Variants in ARL6IP5 observed in about 807,000 individuals in gnomAD.
ARL6IP5 encodes the protein PRA1 family protein 3.
ARL6IP5 carries 6 observed loss-of-function variants against 13.0 expected under a neutral mutation model. The ratio of observed to expected loss-of-function variants is 0.46; its 90% CI spans 0.25 to 0.91. The LOEUF (loss-of-function observed/expected upper bound fraction) is 0.91, where lower values mean the gene tolerates loss of function less well. ARL6IP5 is among the 40% of genes least tolerant of loss of function. ARL6IP5 has a pLI of 0.17. For synonymous variants in ARL6IP5, 91 were observed against 91.9 expected, an observed-to-expected ratio of 0.99 and a Z score of 0.06; for missense variants, 208 against 248.8, an observed-to-expected ratio of 0.84 and a Z score of 1.10.
chr3:69,091,483 G>A (rs1169891616), intron 1 of ARL6IP5, among the ~76,000 whole-genome samples: 1 of 151,754 alleles, frequency 6.6e-6, no homozygotes, highest in Non-Finnish European at 1.5e-5. Flanking sequence ...TTTTTGTAGA[G>A]AAGGGTTTTT....
intron 1 of ARL6IP5, among the ~76,000 whole-genome samples, chr3:69,093,465 G>A (rs1249517672): frequency 2.6e-5 from 4 of 152,030 alleles, no homozygotes; most frequent in South Asian, 2.1e-4. Context: ...TACTCAAGAC[G>A]AATTTGTGTC....
chr3:69,100,925 C>T (rs2092303312), intron 1 of ARL6IP5, among the ~76,000 whole-genome samples: 1 of 152,104 alleles, frequency 6.6e-6, no homozygotes, highest in Non-Finnish European at 1.5e-5. Flanking sequence ...CTCAAGCCAG[C>T]TGTTGACATG....
intron 1 of ARL6IP5, among the ~76,000 whole-genome samples, chr3:69,085,628 G>A (rs2092245407): frequency 6.6e-6 from 1 of 152,180 alleles, no homozygotes; most frequent in Non-Finnish European, 1.5e-5. Flanking sequence ...AGCTGGCTGG[G>A]GCGGCAGGGT....
chr3:69,103,435 A>G (rs568806500), intron 2 of ARL6IP5, among the ~76,000 whole-genome samples: 17 of 152,326 alleles, frequency 1.1e-4, no homozygotes, highest in African/African-American at 3.4e-4. Context: ...CAAACGGATA[A>G]TTGTGACAAG....
chr3:69,092,882 T>G (rs1052556807), intron 1 of ARL6IP5, among the ~76,000 whole-genome samples: 5 of 152,048 alleles, frequency 3.3e-5, no homozygotes, highest in African/African-American at 1.2e-4. Context: ...ACAAATATCT[T>G]TCCACTTCTG....
chr3:69,092,860 A>G (rs562831678), intron 1 of ARL6IP5, among the ~76,000 whole-genome samples: 2 of 151,642 alleles, frequency 1.3e-5, no homozygotes, highest in South Asian at 2.1e-4. Flanking sequence ...ATTCAAGAAG[A>G]ACAGTTTGTA....
intron 1 of ARL6IP5, among the ~76,000 whole-genome samples, chr3:69,100,452 T>C (rs1033432940): frequency 6.6e-6 from 1 of 152,074 alleles, no homozygotes; most frequent in Non-Finnish European, 1.5e-5. Context: ...AGGCAGGTTA[T>C]GTAAGAGAGC....
intron 1 of ARL6IP5, among the ~76,000 whole-genome samples, chr3:69,093,177 A>C (rs1246520036): frequency 6.6e-6 from 1 of 152,214 alleles, no homozygotes; most frequent in East Asian, 1.9e-4. Flanking sequence ...TTCCTAAGGC[A>C]TGTCTTAGTA....
intron 1 of ARL6IP5, among the ~76,000 whole-genome samples, chr3:69,101,231 T>A (rs1209899925): frequency 6.6e-6 from 1 of 151,636 alleles, no homozygotes; most frequent in African/African-American, 2.4e-5. Flanking sequence ...ACATAGTACC[T>A]TCAAAAGAAG....
chr3:69,085,588 A>G (rs2092245303), intron 1 of ARL6IP5, among the ~76,000 whole-genome samples: 1 of 152,264 alleles, frequency 6.6e-6, no homozygotes, highest in East Asian at 1.9e-4. Flanking sequence ...AAATAAGAAG[A>G]AAAAGGAAAG....
chr3:69,095,880 T>C (rs2092285317), intron 1 of ARL6IP5, among the ~76,000 whole-genome samples: 1 of 152,180 alleles, frequency 6.6e-6, no homozygotes, highest in Non-Finnish European at 1.5e-5. Flanking sequence ...ATGGGTGGCA[T>C]GTTTATGGAA....
chr3:69,103,787 G>A (rs558737969), intron 2 of ARL6IP5, among the ~76,000 whole-genome samples: 1 of 152,116 alleles, frequency 6.6e-6, no homozygotes, highest in African/African-American at 2.4e-5. Flanking sequence ...TAAAACCACT[G>A]GTATAGATCA....
Position 69,084,984 on chromosome 3 carries a change from A to G in ARL6IP5, c.-64A>G. On this transcript the variant is annotated 5_prime_UTR_variant, in exon 1 of 3. Transcript: ENST00000273258. ...CGCTGTCAACTCTCCAACTCAGCTC[A>G]GCTGATCGGTTGCCGCCGCCGCCGC... 6.3e-7 allele frequency: 1 copy of G among 1,577,354 alleles called. No homozygotes were observed. Among genetic ancestry groups the G allele is most frequent in the South Asian group, 1.2e-5 (1 of 84,758 alleles).
At chr3:69,092,063 T>G (rs1202491714) in intron 1 of ARL6IP5, among the ~76,000 whole-genome samples, 1 of 152,342 alleles carries the variant, frequency 6.6e-6, no homozygotes, top group African/African-American at 2.4e-5. Flanking sequence ...TCACCCTTAA[T>G]ACCATCCTCT....
chr3:69,086,611 T>C (rs1575856879), intron 1 of ARL6IP5, among the ~76,000 whole-genome samples: 2 of 152,148 alleles, frequency 1.3e-5, no homozygotes, highest in African/African-American at 4.8e-5. Flanking sequence ...GCAGCCAAGG[T>C]ACAAGTTAGT....
intron 1 of ARL6IP5, among the ~76,000 whole-genome samples, chr3:69,096,111 G>C (rs1221071609): frequency 6.6e-6 from 1 of 152,118 alleles, no homozygotes; most frequent in African/African-American, 2.4e-5. Flanking sequence ...CATTTTATCA[G>C]ATACAGAAGA....
At chr3:69,102,155 C>G in intron 2 of ARL6IP5, 99 bp downstream of exon 2, 1 of 1,318,190 alleles carries the variant, frequency 7.6e-7, no homozygotes, top group African/African-American at 1.5e-5. Flanking sequence ...GTTGGCATGT[C>G]AGCAAAAGTG....
chr3:69,090,949 C>T (rs187213529), intron 1 of ARL6IP5, among the ~76,000 whole-genome samples: 89 of 152,342 alleles, frequency 5.8e-4, no homozygotes, highest in Admixed American at 7.2e-4. Context: ...GTGATCCCAG[C>T]CCTTTGGGAG....
chr3:69,103,998 C>T (rs1372120772), intron 2 of ARL6IP5, among the ~76,000 whole-genome samples: 1 of 152,138 alleles, frequency 6.6e-6, no homozygotes. Flanking sequence ...TTGGGTAAAG[C>T]CTCCGGGAGG....
Sources: allele counts gnomAD v4.1 joint callset (sites outside exome capture counted in the v4.1 genomes callset), GRCh38; gene constraint gnomAD v4.1.1; transcripts MANE v1.5; gene names NCBI Gene and HGNC (gene_info 2026-07-23, HGNC 2026-07-21).